Variants in PARD3 observed in about 807,000 individuals in gnomAD.
The protein encoded by PARD3 is partitioning defective 3 homolog.
Under a neutral mutation model 155.4 loss-of-function variants are expected in PARD3, and 75 were observed. The ratio of observed to expected loss-of-function variants is 0.48; its 90% CI spans 0.40 to 0.58. The LOEUF (loss-of-function observed/expected upper bound fraction) is 0.58. Among genes scored for constraint, PARD3 ranks in the 20% least tolerant of loss-of-function variants. The pLI is 0.00. For missense variants in PARD3, 1,642 were observed against 1,721.7 expected, an observed-to-expected ratio of 0.95 and a Z score of 0.82; for synonymous variants, 576 against 610.5, an observed-to-expected ratio of 0.94 and a Z score of 0.83.
chr10:34,475,776 AT>A (rs1382402616), intron 3 of PARD3, among the ~76,000 whole-genome samples: 2 of 152,130 alleles, frequency 1.3e-5, no homozygotes, highest in African/African-American at 4.8e-5. Context: ...CCAAAACCTA[AT>A]TTTACCTAGA....
At chr10:34,587,120 T>A (rs1212944210) in intron 2 of PARD3, among the ~76,000 whole-genome samples, 1 of 152,092 alleles carries the variant, frequency 6.6e-6, no homozygotes, top group Non-Finnish European at 1.5e-5. Flanking sequence ...TTATTTTTTT[T>A]ATTGTGTTTT....
intron 22 of PARD3, among the ~76,000 whole-genome samples, chr10:34,238,626 C>G (rs1953385612): frequency 6.6e-6 from 1 of 151,976 alleles, no homozygotes; most frequent in Admixed American, 6.5e-5. Flanking sequence ...TTGAAAATCA[C>G]AGGAAATGCT....
At chr10:34,127,180 A>G (rs1347638352) in intron 23 of PARD3, among the ~76,000 whole-genome samples, 2 of 152,224 alleles carry the variant, frequency 1.3e-5, no homozygotes, top group African/African-American at 2.4e-5. Flanking sequence ...ACTTTTCCCA[A>G]TGAAAAACAT....
chr10:34,278,368 G>C (rs1238122006), intron 21 of PARD3, among the ~76,000 whole-genome samples: 2 of 152,016 alleles, frequency 1.3e-5, no homozygotes, highest in Non-Finnish European at 2.9e-5. Flanking sequence ...CTTAACAAAG[G>C]TAAGGGATCC....
At chr10:34,783,448 C>CA (rs1412526942) in intron 1 of PARD3, among the ~76,000 whole-genome samples, 1 of 151,392 alleles carries the variant, frequency 6.6e-6, no homozygotes, top group African/African-American at 2.4e-5. Flanking sequence ...ACTAAAAATA[C>CA]AAAAAATTAG....
intron 22 of PARD3, among the ~76,000 whole-genome samples, chr10:34,213,006 C>A (rs1372214771): frequency 6.6e-6 from 1 of 152,310 alleles, no homozygotes; most frequent in South Asian, 2.1e-4. Flanking sequence ...TCCACACTAT[C>A]TTAGGCCTTT....
intron 2 of PARD3, among the ~76,000 whole-genome samples, chr10:34,609,772 C>G (rs1252851476): frequency 6.6e-6 from 1 of 152,130 alleles, no homozygotes; most frequent in African/African-American, 2.4e-5. Flanking sequence ...AACTCCTGGC[C>G]TCAAGCAATT....
chr10:34,124,011 A>G (rs1367929358), intron 23 of PARD3, among the ~76,000 whole-genome samples: 1 of 152,216 alleles, frequency 6.6e-6, no homozygotes, highest in Non-Finnish European at 1.5e-5. Context: ...ATAATTTCAA[A>G]TAATCTATCA....
chr10:34,589,660 C>T (rs1355395581), intron 2 of PARD3, among the ~76,000 whole-genome samples: 1 of 114,248 alleles, frequency 8.8e-6, no homozygotes, highest in Non-Finnish European at 1.7e-5. Flanking sequence ...AAAAAAAAAC[C>T]AAGCATGTCA....
At chr10:34,792,268 A>G (rs1288976851) in intron 1 of PARD3, among the ~76,000 whole-genome samples, 1 of 151,964 alleles carries the variant, frequency 6.6e-6, no homozygotes, top group Non-Finnish European at 1.5e-5. Context: ...GTAGGAAGAA[A>G]AGTACAAGGT....
chr10:34,412,724 C>T (rs1315216370), intron 5 of PARD3, among the ~76,000 whole-genome samples: 1 of 152,122 alleles, frequency 6.6e-6, no homozygotes, highest in Non-Finnish European at 1.5e-5. Context: ...AGGTTCTTCC[C>T]TTGCGATATA....
chr10:34,664,871 C>G (rs190394490), intron 2 of PARD3, among the ~76,000 whole-genome samples: 1 of 152,246 alleles, frequency 6.6e-6, no homozygotes, highest in Non-Finnish European at 1.5e-5. Flanking sequence ...CCGGACAGGT[C>G]TTAGCATGTA....
chr10:34,659,110 C>T (rs74426585), intron 2 of PARD3, among the ~76,000 whole-genome samples: 2,624 of 152,274 alleles, frequency 0.017, 68 homozygotes, highest in African/African-American at 0.06. Context: ...GAATCAGATC[C>T]TGAAAGGCAC....
chr10:34,447,405 C>G (rs2132731080), intron 5 of PARD3, among the ~76,000 whole-genome samples: 1 of 140,442 alleles, frequency 7.1e-6, no homozygotes, highest in Non-Finnish European at 1.5e-5. Flanking sequence ...TGCTTGAACC[C>G]AGGAGGTAGA....
chr10:34,477,189 T>TA (rs2078770805), intron 3 of PARD3, among the ~76,000 whole-genome samples: 1 of 152,210 alleles, frequency 6.6e-6, no homozygotes, highest in Non-Finnish European at 1.5e-5. Flanking sequence ...TCATTTAAGG[T>TA]AATTTGGTCA....
At chr10:34,389,530 CTGAG>C (rs1842680947) in intron 7 of PARD3, among the ~76,000 whole-genome samples, 4 of 152,242 alleles carry the variant, frequency 2.6e-5, no homozygotes, top group South Asian at 4.1e-4. Context: ...TCCAAATTGG[CTGAG>C]TAAGTCTGAG....
At chr10:34,306,608 C>T (rs926494761) in intron 20 of PARD3, among the ~76,000 whole-genome samples, 1 of 152,056 alleles carries the variant, frequency 6.6e-6, no homozygotes. Flanking sequence ...GAAATCGTGC[C>T]GTCGCACTCC....
chr10:34,312,230 C>A, intron 20 of PARD3: 1 of 1,560,344 alleles, frequency 6.4e-7, no homozygotes, highest in South Asian at 1.2e-5. Context: ...CTGCTGATGT[C>A]GTAAACAAAA....
intron 22 of PARD3, among the ~76,000 whole-genome samples, chr10:34,232,557 G>C (rs368514091): frequency 1.8e-4 from 28 of 152,112 alleles, no homozygotes; most frequent in African/African-American, 6.8e-4. Context: ...TTATAGAACA[G>C]TATGTTGGAA....
Sources: gnomAD v4.1 joint callset for allele counts (sites outside exome capture counted in the v4.1 genomes callset) on GRCh38, gnomAD v4.1.1 for gene constraint, MANE v1.5 for transcripts, NCBI Gene and HGNC (gene_info 2026-07-23, HGNC 2026-07-21) for gene names.